The following FANCA variants were observed in gnomAD, a reference collection of about 807,000 sequenced individuals.
The protein encoded by FANCA is FA complementation group A, also known as Fanconi anemia group A protein.
FANCA carries 236 observed loss-of-function variants against 194.3 expected under a neutral mutation model. The ratio of observed to expected loss-of-function variants is 1.21; its 90% CI spans 1.09 to 1.35. The LOEUF (loss-of-function observed/expected upper bound fraction) is 1.35, where lower values mean the gene tolerates loss of function less well. Ranked by LOEUF, FANCA falls within the 40% of genes most tolerant of loss-of-function variation. FANCA has a pLI of 0.00. For missense variants in FANCA, 2,628 were observed against 1,813.9 expected, an observed-to-expected ratio of 1.45 and a Z score of -8.15; for synonymous variants, 1,014 against 715.8, an observed-to-expected ratio of 1.42 and a Z score of -6.65.
chr16:89,774,371 C>G (rs1257714879), intron 21 of FANCA, among the ~76,000 whole-genome samples: 1 of 152,080 alleles, frequency 6.6e-6, no homozygotes, highest in Non-Finnish European at 1.5e-5. Flanking sequence ...GCAAACGCCT[C>G]ACACCGCAGG....
At position 89,739,205 on chromosome 16, in the gene FANCA, G is replaced by A. The variant is rs961489297; in HGVS notation, c.4095C>T (p.Val1365=). The A allele has an allele frequency of 5.0e-6, 8 of 1,614,036 alleles. No homozygotes were observed. The highest frequency in any genetic ancestry group is 6.8e-6 in the Non-Finnish European group (8 of 1,180,052). Reference sequence around the variant, plus strand: ...TTGTATCCCCAGCCACGAAGAGCTGGACCAGCTTCAAGTACATGTCCACAG... The same window carrying A: ...TTGTATCCCCAGCCACGAAGAGCTGAACCAGCTTCAAGTACATGTCCACAG... ...HVAVDMYLKL[V]QLFVAGDTST... Residue 1365 remains valine (V), a synonymous_variant, in exon 41 of 43, where the codon GTC becomes GTT. Transcript: ENST00000389301.
chr16:89,739,380 GCA>G, intron 40 of FANCA, 91 bp from the exon 41 acceptor site: 1 of 1,579,100 alleles, frequency 6.3e-7, no homozygotes, highest in African/African-American at 1.3e-5. Flanking sequence ...TGGAGCAGAG[GCA>G]CAGACAACCC....
chr16:89,775,435 G>C (rs951743512), intron 21 of FANCA, among the ~76,000 whole-genome samples: 10 of 152,236 alleles, frequency 6.6e-5, no homozygotes, highest in African/African-American at 2.4e-4. Context: ...GAGCACCCGA[G>C]TCTGAAGCCT....
At chr16:89,812,464 T>C (rs1002855851) in intron 3 of FANCA, among the ~76,000 whole-genome samples, 8 of 150,166 alleles carry the variant, frequency 5.3e-5, no homozygotes, top group African/African-American at 1.2e-4. Context: ...CTGACCAACA[T>C]GGTGAAACCC....
chr16:89,803,699 T>C (rs1182912210), intron 7 of FANCA, among the ~76,000 whole-genome samples: 1 of 151,070 alleles, frequency 6.6e-6, no homozygotes, highest in Non-Finnish European at 1.5e-5. Context: ...TCTCGCTCAC[T>C]GCAACCTCCG....
rs35674389 is a variant in FANCA at position 89,808,481 on chromosome 16, G to T, written c.523-114C>A. 38 of 1,102,236 alleles carry T rather than the reference G, an allele frequency of 3.4e-5. No homozygotes were observed. In the Admixed American group the frequency reaches 7.1e-4, roughly 21 times the overall value. The allele number at this position is 1,102,236 out of a possible 1,614,324, so 68.3% of individuals were successfully genotyped here. A position where few individuals can be genotyped will look rare whatever the true frequency, so the allele number is the denominator to read the frequency against. On this transcript the variant is annotated intron_variant, in intron 5 of 42. Transcript: ENST00000389301. ...TTCAACTTAGGTTCTTAACCATGCC[G>T]TATTGAAAATTAACCTCAAGCAAAA...
chr16:89,801,986 G>A (rs374101616), intron 8 of FANCA, among the ~76,000 whole-genome samples: 2 of 152,134 alleles, frequency 1.3e-5, no homozygotes, highest in South Asian at 4.1e-4. Flanking sequence ...TCAGCCAGCT[G>A]AAGAGACATC....
At chr16:89,810,288 A>C (rs1598188957) in intron 5 of FANCA, among the ~76,000 whole-genome samples, 1 of 148,092 alleles carries the variant, frequency 6.8e-6, no homozygotes. Context: ...ACGCCACTGC[A>C]CTCCAGCCTG....
chr16:89,756,534 A>G (rs1001215529), intron 30 of FANCA, among the ~76,000 whole-genome samples: 4 of 152,188 alleles, frequency 2.6e-5, no homozygotes, highest in African/African-American at 9.7e-5. Context: ...CTGAAGCAGG[A>G]GGATCACTTG....
intron 11 of FANCA, among the ~76,000 whole-genome samples, chr16:89,795,130 C>T (rs2040199686): frequency 6.6e-6 from 1 of 151,166 alleles, no homozygotes; most frequent in Admixed American, 6.6e-5. Flanking sequence ...ACTAAAAATA[C>T]AAAAATTAGC....
chr16:89,781,509 TAA>T (rs377160385), intron 17 of FANCA, among the ~76,000 whole-genome samples: 8,493 of 145,400 alleles, frequency 0.058, 386 homozygotes, highest in East Asian at 0.22. Flanking sequence ...CCATCTCTAC[TAA>T]AAAAATACAA....
chr16:89,814,736 T>C (rs1432503799), intron 2 of FANCA, 123 bp from the exon 3 acceptor site: 2 of 709,428 alleles, frequency 2.8e-6, no homozygotes, highest in African/African-American at 3.5e-5. Context: ...AGGTCAAGAG[T>C]TCGAGACCAG....
intron 14 of FANCA, among the ~76,000 whole-genome samples, chr16:89,787,801 A>G (rs1436040708): frequency 2.0e-5 from 3 of 152,078 alleles, no homozygotes; most frequent in Non-Finnish European, 4.4e-5. Flanking sequence ...GCTGAGAATT[A>G]TATTAATTAC....
chr16:89,773,533 T>C, intron 21 of FANCA, 149 bp from the exon 22 acceptor site: 2 of 657,026 alleles, frequency 3.0e-6, no homozygotes, highest in South Asian at 3.2e-5. Context: ...TCTGAGGAGG[T>C]AAATGAGGTG....
At chr16:89,741,720 G>A (rs2062138058) in intron 37 of FANCA, among the ~76,000 whole-genome samples, 5 of 152,168 alleles carry the variant, frequency 3.3e-5, no homozygotes, top group African/African-American at 1.2e-4. Flanking sequence ...GCCTATGGCT[G>A]CAGACGGTCC....
In FANCA at chr16:89,749,083, C is replaced by A. The variant is rs536591002; in HGVS notation, c.3240-316G>T. On this transcript the variant is annotated intron_variant, in intron 32 of 42. Coordinates refer to ENST00000389301, the MANE Select transcript of FANCA (RefSeq NM_000135.4). ...CACCAGTCTGTCTAGTGAAGCAATT[C>A]CCTATGACTGTAAAATTAAATGACT... Among the ~76,000 whole-genome samples the A allele has an allele frequency of 2.6e-5, 4 of 152,334 alleles. No homozygotes were observed. In the South Asian group the frequency reaches 8.3e-4, roughly 32 times the overall value.
At chr16:89,775,630 G>T in intron 21 of FANCA, 112 bp downstream of exon 21, 1 of 848,344 alleles carries the variant, frequency 1.2e-6, no homozygotes, top group Non-Finnish European at 1.9e-6. Context: ...ACCGGCTTGA[G>T]CTGGCACAGC....
rs2038475455 is a variant in FANCA at position 89,748,703 on chromosome 16, T to C, written c.3304A>G (p.Thr1102Ala). Residue 1102 changes from threonine (T) to alanine (A), a missense_variant, in exon 33 of 43, where the codon ACT becomes GCT. Transcript: ENST00000389301. ...TGGAAGAACTGCTCGCATCTGGCAG[T>C]GATGGGCTGTTCTGCCTGGAAGCTG... ...GSSFQAEQPITARCEQFFHLV... is the reference protein window; with the variant it reads ...GSSFQAEQPIAARCEQFFHLV... 12 of 1,614,144 alleles carry C rather than the reference T, an allele frequency of 7.4e-6. No homozygotes were observed. The highest frequency in any genetic ancestry group is 1.0e-5 in the Non-Finnish European group (12 of 1,180,030).
chr16:89,754,916 A>G (rs2038718991), intron 30 of FANCA, among the ~76,000 whole-genome samples: 2 of 152,178 alleles, frequency 1.3e-5, no homozygotes, highest in South Asian at 4.1e-4. Flanking sequence ...AGACACAACT[A>G]CAAAGCACCT....
Sources: allele counts gnomAD v4.1 joint callset (sites outside exome capture counted in the v4.1 genomes callset), GRCh38; gene constraint gnomAD v4.1.1; transcripts MANE v1.5; gene names NCBI Gene and HGNC (gene_info 2026-07-23, HGNC 2026-07-21).